LRCH2: variants seen among roughly 807,000 people sequenced by gnomAD.
LRCH2 encodes leucine-rich repeat and calponin homology domain-containing protein 2.
LRCH2 carries 38 observed loss-of-function variants against 68.9 expected under a neutral mutation model. That is an observed-to-expected ratio of 0.55 (90% CI 0.43 to 0.72). The LOEUF (loss-of-function observed/expected upper bound fraction) is 0.72. Among genes scored for constraint, LRCH2 ranks in the 30% least tolerant of loss-of-function variants. LRCH2 has a pLI of 0.00. For missense variants in LRCH2, 528 were observed against 572.9 expected, an observed-to-expected ratio of 0.92 and a Z score of 0.80; for synonymous variants, 191 against 208.1, an observed-to-expected ratio of 0.92 and a Z score of 0.71.
At chrX:115,189,477 T>TG in intron 1 of LRCH2, 2 of 1,179,408 alleles carry the variant, frequency 1.7e-6, no homozygotes, top group Non-Finnish European at 2.3e-6. Flanking sequence ...AGCTTTTCAT[T>TG]GGGGGCCTCA....
chrX:115,165,745 T>C (rs1435683756), intron 8 of LRCH2, 90 bp from the exon 9 acceptor site: 12 of 927,712 alleles, frequency 1.3e-5, no homozygotes, highest in African/African-American at 4.0e-5. Context: ...ATTTTCTCAA[T>C]GTAAGAGTTT....
chrX:115,145,942 T>C (rs1387219260), intron 14 of LRCH2, among the ~76,000 whole-genome samples: 1 of 112,150 alleles, frequency 8.9e-6, no homozygotes, highest in East Asian at 2.8e-4. Flanking sequence ...GCTGGGTATA[T>C]AACCCAAAGA....
chrX:115,123,858 C>T, intron 17 of LRCH2, 87 bp downstream of exon 17: 1 of 583,347 alleles, frequency 1.7e-6, no homozygotes, highest in South Asian at 3.2e-5. Flanking sequence ...TCTATGTGTA[C>T]TTAAGACTAT....
intron 20 of LRCH2, among the ~76,000 whole-genome samples, chrX:115,118,936 G>C (rs188951957): frequency 9.0e-6 from 1 of 111,698 alleles, no homozygotes; most frequent in African/African-American, 3.3e-5. Context: ...TATCGCAATA[G>C]ATGCAGAAAA....
chrX:115,134,572 C>G (rs2072272363), intron 14 of LRCH2, among the ~76,000 whole-genome samples: 1 of 111,826 alleles, frequency 8.9e-6, no homozygotes, highest in African/African-American at 3.3e-5. Flanking sequence ...ATCTATTCTG[C>G]CTGTGCTTTA....
intron 1 of LRCH2, among the ~76,000 whole-genome samples, chrX:115,210,942 G>T (rs139043943): frequency 1.8e-5 from 2 of 111,874 alleles, no homozygotes; most frequent in Non-Finnish European, 3.8e-5. Flanking sequence ...TCTCCCATTT[G>T]GAATGGCTGT....
At chrX:115,190,518 G>C in intron 1 of LRCH2, 1 of 1,167,333 alleles carries the variant, frequency 8.6e-7, no homozygotes. Flanking sequence ...CCTACAGCAG[G>C]GACCACTCGC....
At chrX:115,175,049 G>A (rs1318477464) in intron 5 of LRCH2, among the ~76,000 whole-genome samples, 1 of 111,784 alleles carries the variant, frequency 8.9e-6, no homozygotes, top group South Asian at 3.8e-4. Context: ...CCTCCACAAC[G>A]AAGCCTCCAT....
chrX:115,213,214 C>T (rs781941959), intron 1 of LRCH2, among the ~76,000 whole-genome samples: 25 of 111,975 alleles, frequency 2.2e-4, no homozygotes, highest in South Asian at 3.8e-4. Flanking sequence ...TTGTAAGATG[C>T]GCAGAAACAT....
At chrX:115,137,722 T>G (rs1334056678) in intron 14 of LRCH2, among the ~76,000 whole-genome samples, 1 of 111,479 alleles carries the variant, frequency 9.0e-6, no homozygotes, top group Non-Finnish European at 1.9e-5. Flanking sequence ...ATAGAAAGTT[T>G]GGCCCTGGCC....
At chrX:115,160,875 T>G (rs1202908173) in intron 11 of LRCH2, among the ~76,000 whole-genome samples, 1 of 111,762 alleles carries the variant, frequency 8.9e-6, no homozygotes, top group Non-Finnish European at 1.9e-5. Flanking sequence ...AAACTAAAAA[T>G]TTTAAGTCCC....
At chrX:115,149,351 CTAAGA>C (rs1197570837) in intron 14 of LRCH2, among the ~76,000 whole-genome samples, 13 of 111,052 alleles carry the variant, frequency 1.2e-4, no homozygotes, top group Admixed American at 1.2e-3. Flanking sequence ...TTTCTTTTAG[CTAAGA>C]TAAAAGACAC....
At chrX:115,181,155 A>G (rs1395149394) in intron 3 of LRCH2, among the ~76,000 whole-genome samples, 1 of 111,660 alleles carries the variant, frequency 9.0e-6, no homozygotes, top group East Asian at 2.8e-4. Flanking sequence ...CGCACCTGAC[A>G]GGTACAAAGA....
At chrX:115,215,454 T>C (rs2147357070) in intron 1 of LRCH2, among the ~76,000 whole-genome samples, 1 of 110,856 alleles carries the variant, frequency 9.0e-6, no homozygotes, top group African/African-American at 3.3e-5. Flanking sequence ...AAAATTATGA[T>C]AACATAATTT....
chrX:115,178,899 C>T (rs1301648216), intron 5 of LRCH2, among the ~76,000 whole-genome samples: 1 of 112,140 alleles, frequency 8.9e-6, no homozygotes, highest in Non-Finnish European at 1.9e-5. Flanking sequence ...ATTCTATTGA[C>T]ATCTCTTCCC....
intron 5 of LRCH2, among the ~76,000 whole-genome samples, chrX:115,172,327 G>C (rs1350616662): frequency 8.9e-6 from 1 of 112,250 alleles, no homozygotes; most frequent in Non-Finnish European, 1.9e-5. Flanking sequence ...CCTTGAACAA[G>C]TCATTTAACT....
intron 1 of LRCH2, among the ~76,000 whole-genome samples, chrX:115,188,685 G>C (rs889661308): frequency 9.0e-5 from 10 of 110,999 alleles, no homozygotes; most frequent in Non-Finnish European, 1.7e-4. Context: ...ACAAAAATTA[G>C]CCGGATGTGA....
chrX:115,211,594 C>T (rs2073007684), intron 1 of LRCH2, among the ~76,000 whole-genome samples: 1 of 111,997 alleles, frequency 8.9e-6, no homozygotes, highest in South Asian at 3.7e-4. Flanking sequence ...TAATAACTGA[C>T]AGCACTGGGG....
At chrX:115,118,867 C>T (rs1171772099) in intron 20 of LRCH2, among the ~76,000 whole-genome samples, 11 of 110,598 alleles carry the variant, frequency 9.9e-5, no homozygotes, top group East Asian at 2.8e-4. Context: ...GTTCAATATA[C>T]GCAAATCAAT....
Sources: gnomAD v4.1 joint callset for allele counts (sites outside exome capture counted in the v4.1 genomes callset) on GRCh38, gnomAD v4.1.1 for gene constraint, MANE v1.5 for transcripts, NCBI Gene and HGNC (gene_info 2026-07-23, HGNC 2026-07-21) for gene names.